STK32A: variants seen among roughly 807,000 people sequenced by gnomAD.
The protein encoded by STK32A is serine/threonine-protein kinase 32A.
A neutral mutation model predicts 53.2 loss-of-function variants in STK32A; 41 were observed. The ratio of observed to expected loss-of-function variants is 0.77; its 90% confidence interval spans 0.60 to 1.00. The LOEUF is 1.00. Among genes scored for constraint, STK32A ranks in the 50% least tolerant of loss-of-function variants. The pLI, the probability that STK32A is intolerant of heterozygous loss-of-function variation, is 0.00. For missense variants in STK32A, 458 were observed against 485.8 expected (o/e 0.94, Z 0.54); for synonymous variants, 166 against 162.8 (o/e 1.02, Z -0.15).
chr5:147,384,637 G>A lies in STK32A; in HGVS notation c.*654G>A, dbSNP rs2081021527. ...CAGCTCCCTCTTCAACAATGTGAAA[G>A]TGGTAACTTGAAATTGGTAATAATG... On this transcript the variant is annotated 3_prime_UTR_variant, in exon 13 of 13. Transcript: ENST00000397936. 1 of 441,198 alleles carries A rather than the reference G, an allele frequency of 2.3e-6. No individual in the cohort carries two copies. Among genetic ancestry groups the A allele is most frequent in the African/African-American group, 2.0e-5 (1 of 49,564 alleles). 27.3% of individuals were successfully genotyped at this position (441,198 alleles called of 1,614,324 possible). A position where few individuals can be genotyped will look rare whatever the true frequency, so the allele number is the denominator to read the frequency against.
At chr5:147,327,194 A>G (rs978428172) in intron 5 of STK32A, among the ~76,000 whole-genome samples, 1 of 152,170 alleles carries the variant, frequency 6.6e-6, no homozygotes, top group Non-Finnish European at 1.5e-5. Context: ...TCAATCTGAG[A>G]CTAAGAACTC....
At chr5:147,260,128 CT>C (rs1754451989) in intron 2 of STK32A, among the ~76,000 whole-genome samples, 2 of 136,470 alleles carry the variant, frequency 1.5e-5, no homozygotes, top group Non-Finnish European at 3.2e-5. Flanking sequence ...CTCTCTCTCT[CT>C]TCTCTGTCTC....
intron 4 of STK32A, among the ~76,000 whole-genome samples, chr5:147,283,226 T>A (rs950913472): frequency 4.6e-5 from 7 of 152,006 alleles, no homozygotes; most frequent in Admixed American, 4.6e-4. Flanking sequence ...GATGAAAATT[T>A]AAAAATTCTT....
chr5:147,354,317 A>G (rs558146132), intron 7 of STK32A, among the ~76,000 whole-genome samples: 4 of 152,272 alleles, frequency 2.6e-5, no homozygotes, highest in South Asian at 4.1e-4. Flanking sequence ...ATTAAGGGCT[A>G]TTTTCTTGGA....
chr5:147,272,105 T>C lies in STK32A; in HGVS notation c.53-6019T>C, dbSNP rs143141930. On this transcript the variant is annotated intron_variant, in intron 2 of 12. Transcript: ENST00000397936. Reference sequence around the variant, plus strand: ...TCTTTTGTACTCTGTCCCTTTATTTTTCAATGCAGCTGATGCTTGGGGAAA... The same window carrying C: ...TCTTTTGTACTCTGTCCCTTTATTTCTCAATGCAGCTGATGCTTGGGGAAA... Among the ~76,000 whole-genome samples, 1,142 of 152,304 alleles carry C rather than the reference T, an allele frequency of 7.5e-3. 10 individuals are homozygous for C. Among genetic ancestry groups the C allele is most frequent in the Non-Finnish European group, 0.012 (829 of 68,034 alleles).
At chr5:147,258,919 T>C (rs1754360978) in intron 2 of STK32A, among the ~76,000 whole-genome samples, 1 of 150,790 alleles carries the variant, frequency 6.6e-6, no homozygotes, top group African/African-American at 2.5e-5. Flanking sequence ...AGATGGCTTT[T>C]TTTTATTATT....
intron 5 of STK32A, among the ~76,000 whole-genome samples, chr5:147,331,563 T>C (rs1363297730): frequency 1.3e-5 from 2 of 152,248 alleles, no homozygotes; most frequent in African/African-American, 4.8e-5. Context: ...GGGTAGGTAC[T>C]ATATGTTAAT....
chr5:147,395,642 G>A, the STK32A span: 3 of 1,613,998 alleles, frequency 1.9e-6, no homozygotes, highest in Admixed American at 5.0e-5. Context: ...GCCTGCGGGG[G>A]TGCCACCTTT....
At chr5:147,401,808 CT>C in the STK32A span, 1 of 1,332,984 alleles carries the variant, frequency 7.5e-7, no homozygotes. Flanking sequence ...CAGAGTCAGA[CT>C]GACCTGGGTT....
chr5:147,390,075 T>G (rs946920513), downstream of STK32A, among the ~76,000 whole-genome samples: 1 of 152,180 alleles, frequency 6.6e-6, no homozygotes, highest in Admixed American at 6.5e-5. Flanking sequence ...AGTTTAACTT[T>G]TGCAATGAAA....
intron 4 of STK32A, among the ~76,000 whole-genome samples, chr5:147,299,388 C>T (rs1244140148): frequency 1.3e-5 from 2 of 152,076 alleles, no homozygotes; most frequent in African/African-American, 2.4e-5. Context: ...CTTCATGACC[C>T]GTATCTTGTG....
intron 2 of STK32A, among the ~76,000 whole-genome samples, chr5:147,264,763 T>A (rs1392441115): frequency 6.6e-6 from 1 of 152,102 alleles, no homozygotes; most frequent in Admixed American, 6.6e-5. Context: ...ATTATACTCT[T>A]TAGGGACATG....
intron 4 of STK32A, among the ~76,000 whole-genome samples, chr5:147,308,772 A>G (rs1220837280): frequency 6.6e-6 from 1 of 151,128 alleles, no homozygotes; most frequent in Non-Finnish European, 1.5e-5. Flanking sequence ...TTTATCAAAT[A>G]CTTTTGTTTT....
intron 2 of STK32A, among the ~76,000 whole-genome samples, chr5:147,241,124 C>T (rs1026098240): frequency 1.3e-5 from 2 of 152,166 alleles, no homozygotes; most frequent in African/African-American, 4.8e-5. Flanking sequence ...GGGACAACTA[C>T]GTCTGCTGTA....
intron 7 of STK32A, among the ~76,000 whole-genome samples, chr5:147,359,850 G>T (rs373049674): frequency 2.6e-5 from 4 of 152,246 alleles, no homozygotes; most frequent in South Asian, 2.1e-4. Flanking sequence ...CCGGGCATTG[G>T]GATGTAAACA....
At chr5:147,235,578 G>A (rs1291722970) in intron 1 of STK32A, among the ~76,000 whole-genome samples, 2 of 152,226 alleles carry the variant, frequency 1.3e-5, no homozygotes, top group African/African-American at 4.8e-5. Flanking sequence ...TCACACAACG[G>A]ACTGCTATGC....
At chr5:147,272,357 G>A (rs955991608) in intron 2 of STK32A, among the ~76,000 whole-genome samples, 7 of 152,286 alleles carry the variant, frequency 4.6e-5, no homozygotes, top group East Asian at 1.9e-4. Context: ...GATTACAGGC[G>A]TTAGCCACTG....
At chr5:147,322,278 A>T (rs1202407032) in intron 4 of STK32A, among the ~76,000 whole-genome samples, 1 of 152,232 alleles carries the variant, frequency 6.6e-6, no homozygotes, top group African/African-American at 2.4e-5. Flanking sequence ...TTTCTGTCTA[A>T]ACTCCTCTAA....
rs563706924 is a variant in STK32A at position 147,351,263 on chromosome 5, CTT to C, written c.562+111_562+112del. 8,804 of 905,056 alleles carry C rather than the reference CTT, an allele frequency of 9.7e-3. 81 individuals carry two copies. Among genetic ancestry groups the C allele is most frequent in the South Asian group, 0.026 (1,590 of 61,550 alleles). 56.1% of individuals were successfully genotyped at this position (905,056 alleles called of 1,614,324 possible). On this transcript the variant is annotated intron_variant, in intron 7 of 12. Coordinates refer to ENST00000397936, the MANE Select transcript of STK32A (RefSeq NM_001112724.2). The stretch of plus-strand genomic sequence containing the variant: ...CTAGAACTGGTAAGTTCCTCTCTGA[CTT>C]TACCTGTGGAGCTTCTGATTTCATG...
Sources: gnomAD v4.1 joint callset for allele counts (sites outside exome capture counted in the v4.1 genomes callset) on GRCh38, gnomAD v4.1.1 for gene constraint, MANE v1.5 for transcripts, NCBI Gene and HGNC (gene_info 2026-07-23, HGNC 2026-07-21) for gene names.